Variants in MDGA2 observed in about 807,000 individuals in gnomAD.
The protein encoded by MDGA2 is MAM domain containing glycosylphosphatidylinositol anchor 2.
MDGA2 carries 40 observed loss-of-function variants against 117.8 expected under a neutral mutation model. That is an observed-to-expected ratio of 0.34 (90% CI 0.26 to 0.44). The LOEUF is 0.44. Ranked by LOEUF, MDGA2 falls within the 20% of genes least tolerant of loss-of-function variation. MDGA2 has a pLI of 1.00. For synonymous variants in MDGA2, 452 were observed against 439.0 expected, an observed-to-expected ratio of 1.03 and a Z score of -0.37; for missense variants, 1,123 against 1,250.6, an observed-to-expected ratio of 0.90 and a Z score of 1.54.
intron 1 of MDGA2, among the ~76,000 whole-genome samples, chr14:47,398,485 G>C (rs746006207): frequency 1.3e-5 from 2 of 151,944 alleles, no homozygotes. Context: ...GTTGTTATGG[G>C]GATTATAGAA....
At chr14:47,400,394 C>T (rs1338420737) in intron 1 of MDGA2, among the ~76,000 whole-genome samples, 8 of 152,106 alleles carry the variant, frequency 5.3e-5, no homozygotes, top group Non-Finnish European at 1.2e-4. Context: ...ACAGAATAAA[C>T]ATTTTGACTG....
intron 8 of MDGA2, among the ~76,000 whole-genome samples, chr14:47,025,097 T>A (rs941976910): frequency 6.6e-6 from 1 of 152,114 alleles, no homozygotes; most frequent in Non-Finnish European, 1.5e-5. Context: ...GAAACTATAA[T>A]TATTATTATC....
Position 47,674,995 on chromosome 14 carries a change from G to A in MDGA2, c.-199C>T. ...GGGCTCGAGTCTCCGCAGCTGCGGCGGCGGCGGCGGCGCGCTGGGCCGGCG... is the reference window on the plus strand; with the variant it reads ...GGGCTCGAGTCTCCGCAGCTGCGGCAGCGGCGGCGGCGCGCTGGGCCGGCG... On this transcript the variant is annotated 5_prime_UTR_variant, in exon 1 of 17. Coordinates refer to ENST00000399232, the MANE Select transcript of MDGA2 (RefSeq NM_001113498.3). The A allele has an allele frequency of 2.9e-6, 1 of 339,722 alleles. No homozygotes were observed. Among genetic ancestry groups the A allele is most frequent in the Non-Finnish European group, 5.3e-6 (1 of 189,946 alleles). The allele number at this position is 339,722 out of a possible 1,614,324, so 21.0% of individuals were successfully genotyped here. A position where few individuals can be genotyped will look rare whatever the true frequency, so the allele number is the denominator to read the frequency against.
At chr14:47,650,924 A>G (rs993426527) in intron 1 of MDGA2, among the ~76,000 whole-genome samples, 4 of 152,132 alleles carry the variant, frequency 2.6e-5, no homozygotes, top group East Asian at 1.9e-4. Flanking sequence ...CTGTCACTCA[A>G]TGATTCACCA....
intron 5 of MDGA2, among the ~76,000 whole-genome samples, chr14:47,107,408 C>T (rs1374515372): frequency 5.9e-5 from 9 of 152,114 alleles, no homozygotes; most frequent in Admixed American, 5.9e-4. Context: ...CCTGCCTCTA[C>T]AACCCATTAT....
In MDGA2 at chr14:47,141,214, G is replaced by C. The variant is rs567518988; in HGVS notation, c.792+2864C>G. On this transcript the variant is annotated intron_variant, in intron 4 of 16. Coordinates refer to ENST00000399232, the MANE Select transcript of MDGA2 (RefSeq NM_001113498.3). ...GTTGGCGGGAATGCAAATTAGTACA[G>C]CCATTATGGAAAACAGTATAGAGGT... is the stretch of plus-strand genomic sequence containing the variant. Among the ~76,000 whole-genome samples the C allele has an allele frequency of 2.6e-5, 4 of 152,192 alleles. No individual in the cohort carries two copies. The East Asian group carries it at 7.7e-4, about 29-fold the overall frequency.
chr14:47,318,826 G>C (rs370869367), intron 1 of MDGA2, among the ~76,000 whole-genome samples: 156 of 58,588 alleles, frequency 2.7e-3, no homozygotes, highest in African/African-American at 7.1e-3. Context: ...AGGAAGGAAG[G>C]AAGGAAATAG....
rs150844369 is a variant in MDGA2 at position 47,363,795 on chromosome 14, G to A, written c.281-62245C>T. 7.9e-3 allele frequency among the ~76,000 whole-genome samples: 1,209 copies of A among 152,146 alleles called. 14 individuals carry two copies. Among genetic ancestry groups the A allele is most frequent in the African/African-American group, 0.027 (1,125 of 41,502 alleles). ...AGAAGGAAGGGAAGGAGAGAGAAATGAGGAGAGAGAAAGAGAGAAAGAGAA... is the reference window on the plus strand; with the variant it reads ...AGAAGGAAGGGAAGGAGAGAGAAATAAGGAGAGAGAAAGAGAGAAAGAGAA... On this transcript the variant is annotated intron_variant, in intron 1 of 16. Coordinates refer to ENST00000399232, the MANE Select transcript of MDGA2 (RefSeq NM_001113498.3).
intron 7 of MDGA2, among the ~76,000 whole-genome samples, chr14:47,042,700 A>G (rs1889121698): frequency 1.3e-5 from 2 of 152,162 alleles, no homozygotes; most frequent in Non-Finnish European, 2.9e-5. Flanking sequence ...TCAATGGCAC[A>G]TCACTAATGA....
intron 8 of MDGA2, among the ~76,000 whole-genome samples, chr14:46,972,107 G>T (rs1157470871): frequency 8.5e-5 from 13 of 152,124 alleles, no homozygotes; most frequent in Admixed American, 8.5e-4. Flanking sequence ...AGTATGGATG[G>T]CAAACAGGGA....
chr14:47,462,089 A>G (rs1416871500), intron 1 of MDGA2, among the ~76,000 whole-genome samples: 1 of 152,198 alleles, frequency 6.6e-6, no homozygotes. Context: ...GTACCTTTAA[A>G]TCCAACTTGC....
intron 1 of MDGA2, among the ~76,000 whole-genome samples, chr14:47,351,626 C>G (rs886169343): frequency 6.6e-6 from 1 of 151,982 alleles, no homozygotes; most frequent in Non-Finnish European, 1.5e-5. Context: ...ATATCCATTG[C>G]CCCACCTTAT....
rs1221969592 is a variant in MDGA2, at chr14:47,214,877, T to A, written c.595+3144A>T. The stretch of plus-strand genomic sequence containing the variant: ...ATGCATTACATTAATATATACATTA[T>A]GTGTTATTATACATCAATAGATTAT... On this transcript the variant is annotated intron_variant, in intron 3 of 16. Transcript: ENST00000399232. Among the ~76,000 whole-genome samples the A allele has an allele frequency of 2.0e-5, 3 of 152,150 alleles. No homozygotes were observed. In the East Asian group the frequency reaches 5.8e-4, roughly 29 times the overall value.
At chr14:47,473,715 C>CA in intron 1 of MDGA2, among the ~76,000 whole-genome samples, 1 of 151,906 alleles carries the variant, frequency 6.6e-6, no homozygotes, top group East Asian at 1.9e-4. Flanking sequence ...GAACTAAAGA[C>CA]AAAAAACACA....
At chr14:47,590,989 GAAA>G (rs1025435333) in intron 1 of MDGA2, among the ~76,000 whole-genome samples, 1 of 150,676 alleles carries the variant, frequency 6.6e-6, no homozygotes, top group African/African-American at 2.4e-5. Context: ...TGAATTGTTA[GAAA>G]AAAAAAGTCA....
chr14:47,082,893 A>G (rs560739456), intron 6 of MDGA2, among the ~76,000 whole-genome samples: 1 of 152,118 alleles, frequency 6.6e-6, no homozygotes, highest in South Asian at 2.1e-4. Flanking sequence ...ACTAAATCAA[A>G]TGTAAAGTTT....
rs749083812 is a variant in MDGA2 at position 47,504,970 on chromosome 14, T to TA, written c.280+169546dup. Among the ~76,000 whole-genome samples, 53 of 151,812 alleles carry TA rather than the reference T, an allele frequency of 3.5e-4. 1 individual carries two copies. The highest frequency in any genetic ancestry group is 2.3e-3 in the East Asian group (12 of 5,162). On this transcript the variant is annotated intron_variant, in intron 1 of 16. Transcript: ENST00000399232. ...AGCTGTCCACCAACAAATTAATGGA[T>TA]AAAAAAAATGTGCTGTATACACAAT...
At chr14:47,401,470 C>T (rs1892148028) in intron 1 of MDGA2, among the ~76,000 whole-genome samples, 1 of 152,104 alleles carries the variant, frequency 6.6e-6, no homozygotes, top group African/African-American at 2.4e-5. Flanking sequence ...TTATGTACAA[C>T]CAGCATGATC....
At chr14:47,059,143 G>A in intron 7 of MDGA2, 1 of 850,204 alleles carries the variant, frequency 1.2e-6, no homozygotes, top group Non-Finnish European at 1.5e-6. Flanking sequence ...TAAAATGAAA[G>A]GTGTATGCAT....
Sources: allele counts gnomAD v4.1 joint callset (sites outside exome capture counted in the v4.1 genomes callset), GRCh38; gene constraint gnomAD v4.1.1; transcripts MANE v1.5; gene names NCBI Gene and HGNC (gene_info 2026-07-23, HGNC 2026-07-21).